The following THOC7 variants were observed in gnomAD, a reference collection of about 807,000 sequenced individuals.
The protein encoded by THOC7 is THO complex subunit 7, also known as NIF3L1-binding protein 1.
In THOC7, 22 loss-of-function variants were observed where a neutral mutation model predicts 33.1. That is an observed-to-expected ratio of 0.66 (90% confidence interval 0.47 to 0.95). The LOEUF is 0.95. Ranked by LOEUF, THOC7 falls within the 40% of genes least tolerant of loss-of-function variation. THOC7 has a pLI of 0.00. For missense variants in THOC7, 184 were observed against 245.3 expected (o/e 0.75, Z 1.67); for synonymous variants, 77 against 76.8 (o/e 1.00, Z -0.01).
chr3:63,858,678 T>A (rs1702154927), intron 1 of THOC7, among the ~76,000 whole-genome samples: 1 of 152,196 alleles, frequency 6.6e-6, no homozygotes, highest in Non-Finnish European at 1.5e-5. Flanking sequence ...AAAATACAGT[T>A]AACATAGTTT....
At chr3:63,860,050 CCTCA>C (rs1459617753) in intron 1 of THOC7, among the ~76,000 whole-genome samples, 1 of 152,124 alleles carries the variant, frequency 6.6e-6, no homozygotes, top group East Asian at 1.9e-4. Context: ...CTCGTTGCAA[CCTCA>C]AACTCCTGGG....
At chr3:63,854,275 C>T (rs1265993691) in intron 1 of THOC7, among the ~76,000 whole-genome samples, 2 of 152,224 alleles carry the variant, frequency 1.3e-5, no homozygotes, top group Non-Finnish European at 2.9e-5. Context: ...TGGACTGCTG[C>T]TGATAGTTCC....
upstream of THOC7, chr3:63,863,984 C>T (rs1702322300): frequency 6.7e-6 from 1 of 149,034 alleles, no homozygotes; most frequent in Non-Finnish European, 1.4e-5. Context: ...GCCGCGGGAC[C>T]CGCGCTCCCC....
chr3:63,850,570 ATCTT>A (rs988265182), intron 1 of THOC7, among the ~76,000 whole-genome samples: 5 of 137,854 alleles, frequency 3.6e-5, no homozygotes, highest in African/African-American at 1.1e-4. Context: ...TGTGCAATTT[ATCTT>A]TCTTTCTTTC....
upstream of THOC7, chr3:63,863,988 G>C: frequency 6.7e-6 from 1 of 148,734 alleles, no homozygotes; most frequent in African/African-American, 2.5e-5. Flanking sequence ...CGGGACCCGC[G>C]CTCCCCGCGC....
At chr3:63,848,179 C>T (rs768272342) in intron 1 of THOC7, among the ~76,000 whole-genome samples, 4 of 152,180 alleles carry the variant, frequency 2.6e-5, no homozygotes, top group Non-Finnish European at 4.4e-5. Flanking sequence ...GGAGAATCCC[C>T]TTCCCTTTCC....
rs187332762 is a variant in THOC7, at chr3:63,851,948, G to A, written c.19+11824C>T. On this transcript the variant is annotated intron_variant, in intron 1 of 7. Coordinates refer to ENST00000295899, the MANE Select transcript of THOC7 (RefSeq NM_025075.4). ...CAGACCCAGGCCCAGAACTATAGGC[G>A]GGTAGAATGGTTTTGGAGGACTGAC... is the stretch of plus-strand genomic sequence containing the variant. 5.0e-3 allele frequency among the ~76,000 whole-genome samples: 761 copies of A among 152,254 alleles called. 2 individuals are homozygous for A. The highest frequency in any genetic ancestry group is 7.7e-3 in the Non-Finnish European group (522 of 68,008).
chr3:63,863,851 C>G (rs1306719775), upstream of THOC7: 42 of 1,216,082 alleles, frequency 3.5e-5, no homozygotes, highest in Non-Finnish European at 4.3e-5. Context: ...TTGGCGGCGG[C>G]GGAGGTCAAA....
At chr3:63,863,606 C>G in intron 1 of THOC7, 166 bp downstream of exon 1, 2 of 1,194,710 alleles carry the variant, frequency 1.7e-6, no homozygotes, top group Non-Finnish European at 2.1e-6. Context: ...AGGGAAGCAG[C>G]CGGGGAGGCC....
intron 1 of THOC7, chr3:63,848,527 C>T (rs1701951041): frequency 6.6e-6 from 1 of 152,186 alleles, no homozygotes; most frequent in African/African-American, 2.4e-5. Flanking sequence ...TTCTGTCCCC[C>T]TAAAATGCAT....
chr3:63,839,586 C>A, intron 2 of THOC7, 70 bp downstream of exon 2: 1 of 1,296,352 alleles, frequency 7.7e-7, no homozygotes. Flanking sequence ...GATCTACTCA[C>A]AGGACCTTAA....
At chr3:63,852,078 C>A (rs527669203) in intron 1 of THOC7, among the ~76,000 whole-genome samples, 80 of 152,268 alleles carry the variant, frequency 5.3e-4, no homozygotes, top group African/African-American at 1.9e-3. Context: ...TTCAAGAAGG[C>A]CCAAGTGCAG....
chr3:63,839,530 T>G (rs932552908), intron 2 of THOC7, 126 bp downstream of exon 2: 7 of 796,984 alleles, frequency 8.8e-6, no homozygotes, highest in Non-Finnish European at 1.3e-5. Flanking sequence ...TACTCTTGGT[T>G]AATTAAGAGT....
intron 1 of THOC7, among the ~76,000 whole-genome samples, chr3:63,858,927 G>A (rs1202099977): frequency 6.6e-6 from 1 of 152,176 alleles, no homozygotes; most frequent in African/African-American, 2.4e-5. Flanking sequence ...GGAAATAAAG[G>A]GCTGCTTCTT....
At chr3:63,862,057 T>C (rs1702233873) in intron 1 of THOC7, among the ~76,000 whole-genome samples, 1 of 152,162 alleles carries the variant, frequency 6.6e-6, no homozygotes, top group Non-Finnish European at 1.5e-5. Context: ...TCCCAAAGTG[T>C]TGGGATTACA....
At chr3:63,860,541 T>C (rs539416069) in intron 1 of THOC7, 2 of 152,304 alleles carry the variant, frequency 1.3e-5, no homozygotes, top group African/African-American at 4.8e-5. Context: ...GTGCTTTTCC[T>C]GGGCATCTAA....
At chr3:63,840,536 A>G (rs1372055290) in intron 1 of THOC7, among the ~76,000 whole-genome samples, 1 of 152,186 alleles carries the variant, frequency 6.6e-6, no homozygotes, top group Non-Finnish European at 1.5e-5. Context: ...GGCTGCATTG[A>G]GCCATGATCT....
intron 1 of THOC7, 36 bp from the exon 2 acceptor site, chr3:63,839,809 T>G (rs1701720646): frequency 6.4e-7 from 1 of 1,561,256 alleles, no homozygotes; most frequent in South Asian, 1.1e-5. Context: ...CATCTGGCTC[T>G]TGGTAACTTT....
intron 1 of THOC7, among the ~76,000 whole-genome samples, chr3:63,860,031 C>G (rs1407067038): frequency 6.6e-6 from 1 of 152,152 alleles, no homozygotes; most frequent in Non-Finnish European, 1.5e-5. Flanking sequence ...TGCAGTGGTG[C>G]AATCATGGCT....
Sources: allele counts gnomAD v4.1 joint callset (sites outside exome capture counted in the v4.1 genomes callset), GRCh38; gene constraint gnomAD v4.1.1; transcripts MANE v1.5; gene names NCBI Gene and HGNC (gene_info 2026-07-23, HGNC 2026-07-21).